TMPRSS11F: variants seen among roughly 807,000 people sequenced by gnomAD.
TMPRSS11F encodes the protein transmembrane protease serine 11F.
Under a neutral mutation model 60.2 loss-of-function variants are expected in TMPRSS11F, and 47 were observed. The observed-to-expected ratio is 0.78, with a 90% CI of 0.62 to 1.00. The LOEUF (loss-of-function observed/expected upper bound fraction) is 1.00. Among genes scored for constraint, TMPRSS11F ranks in the 50% least tolerant of loss-of-function variants. The pLI is 0.00. For missense variants in TMPRSS11F, 519 were observed against 522.9 expected (o/e 0.99, Z 0.07); for synonymous variants, 166 against 167.3 (o/e 0.99, Z 0.06).
intron 2 of TMPRSS11F, among the ~76,000 whole-genome samples, chr4:68,094,513 A>G (rs1459654787): frequency 2.0e-5 from 3 of 150,124 alleles, no homozygotes; most frequent in Non-Finnish European, 4.4e-5. Context: ...ACTAACCTGC[A>G]CATTGTGAAC....
intron 3 of TMPRSS11F, among the ~76,000 whole-genome samples, chr4:68,082,557 C>A (rs1208389830): frequency 6.6e-6 from 1 of 152,230 alleles, no homozygotes; most frequent in Non-Finnish European, 1.5e-5. Context: ...CCCACAAGAA[C>A]ATGCACACAG....
At chr4:68,074,288 C>G (rs969580617) in intron 3 of TMPRSS11F, among the ~76,000 whole-genome samples, 5 of 152,136 alleles carry the variant, frequency 3.3e-5, no homozygotes, top group African/African-American at 1.2e-4. Context: ...AATGGGATAA[C>G]AACAATATCT....
At chr4:68,067,797 T>C (rs142964514) in intron 7 of TMPRSS11F, among the ~76,000 whole-genome samples, 226 of 152,326 alleles carry the variant, frequency 1.5e-3, no homozygotes, top group African/African-American at 5.1e-3. Flanking sequence ...TCACCAGGGA[T>C]AGGCTCCTTT....
At chr4:68,054,327 T>A (rs949337965) in intron 9 of TMPRSS11F, among the ~76,000 whole-genome samples, 3 of 152,042 alleles carry the variant, frequency 2.0e-5, no homozygotes, top group Non-Finnish European at 4.4e-5. Context: ...TTTTTTCTAG[T>A]TTGAACAGGC....
At chr4:68,103,867 C>T (rs1724244361) in intron 1 of TMPRSS11F, among the ~76,000 whole-genome samples, 1 of 151,862 alleles carries the variant, frequency 6.6e-6, no homozygotes, top group East Asian at 1.9e-4. Flanking sequence ...CTTTCACTTC[C>T]TTGGTTAAAT....
chr4:68,079,426 TAAAG>T (rs1176636916), intron 3 of TMPRSS11F, among the ~76,000 whole-genome samples: 2 of 152,130 alleles, frequency 1.3e-5, no homozygotes, highest in African/African-American at 4.8e-5. Flanking sequence ...AAGAAACCCT[TAAAG>T]AAGCCCTCAA....
chr4:68,080,096 G>A (rs1723661161), intron 3 of TMPRSS11F: 1 of 152,176 alleles, frequency 6.6e-6, no homozygotes, highest in South Asian at 2.1e-4. Context: ...CAACAAAACT[G>A]ATTCTTTTCC....
At chr4:68,115,357 A>T (rs1262108727) in intron 1 of TMPRSS11F, among the ~76,000 whole-genome samples, 1 of 16,238 alleles carries the variant, frequency 6.2e-5, no homozygotes, top group African/African-American at 1.4e-4. Flanking sequence ...ACACCATCTC[A>T]AAAAAAAAAA....
At chr4:68,080,213 A>G (rs1234009927) in intron 3 of TMPRSS11F, 1 of 152,256 alleles carries the variant, frequency 6.6e-6, no homozygotes, top group Non-Finnish European at 1.5e-5. Flanking sequence ...AGAAGGAAAC[A>G]AAGCAAAGCC....
intron 1 of TMPRSS11F, among the ~76,000 whole-genome samples, chr4:68,120,408 A>G (rs1337123389): frequency 2.8e-5 from 2 of 70,496 alleles, no homozygotes; most frequent in East Asian, 3.9e-4. Flanking sequence ...TTTTTTTTTG[A>G]GACGGAGTCT....
chr4:68,122,090 T>C (rs1724635561), intron 1 of TMPRSS11F, among the ~76,000 whole-genome samples: 1 of 152,202 alleles, frequency 6.6e-6, no homozygotes. Context: ...TTAATTGTTA[T>C]AATAAAATCA....
intron 8 of TMPRSS11F, 74 bp from the exon 9 acceptor site, chr4:68,059,542 A>G: frequency 7.0e-7 from 1 of 1,428,020 alleles, no homozygotes. Context: ...CATAGAAGAC[A>G]CATAAATTGT....
chr4:68,096,506 C>T (rs528951136), intron 2 of TMPRSS11F, among the ~76,000 whole-genome samples: 87 of 152,252 alleles, frequency 5.7e-4, no homozygotes, highest in African/African-American at 1.8e-3. Context: ...TGTTTTACTG[C>T]GCAGCCTGTG....
intron 3 of TMPRSS11F, among the ~76,000 whole-genome samples, chr4:68,077,807 GATC>G (rs1444650349): frequency 2.6e-5 from 4 of 152,220 alleles, no homozygotes; most frequent in Non-Finnish European, 5.9e-5. Flanking sequence ...AAATAAGAAA[GATC>G]ATCAACTGTG....
chr4:68,074,366 A>G (rs902214059), intron 3 of TMPRSS11F, among the ~76,000 whole-genome samples: 5 of 152,242 alleles, frequency 3.3e-5, no homozygotes, highest in Non-Finnish European at 7.3e-5. Context: ...TCTGGTATCT[A>G]CTAAGCTATT....
intron 5 of TMPRSS11F, among the ~76,000 whole-genome samples, chr4:68,071,649 G>A (rs1267201322): frequency 2.0e-5 from 3 of 152,136 alleles, no homozygotes; most frequent in Admixed American, 6.6e-5. Context: ...ATCAGCTCGG[G>A]TTCCAACTAG....
intron 2 of TMPRSS11F, among the ~76,000 whole-genome samples, chr4:68,098,530 T>C (rs930352617): frequency 2.6e-5 from 4 of 152,206 alleles, no homozygotes; most frequent in African/African-American, 9.6e-5. Context: ...ACTCTTCTTA[T>C]ATCCTGAGCT....
In TMPRSS11F at chr4:68,111,417, T is replaced by C. The variant is rs6812928; in HGVS notation, c.12-12379A>G. On this transcript the variant is annotated intron_variant, in intron 1 of 9. Transcript: ENST00000356291. ...CAATACTTGTAGACAGCAGCTGATT[T>C]TACCACTTACTAACTGTATATGCTC... Among the ~76,000 whole-genome samples, 1,129 of 152,270 alleles carry C rather than the reference T, an allele frequency of 7.4e-3. 13 individuals carry two copies. Among genetic ancestry groups the C allele is most frequent in the African/African-American group, 0.025 (1,056 of 41,558 alleles).
intron 1 of TMPRSS11F, among the ~76,000 whole-genome samples, chr4:68,101,988 T>A (rs1724201539): frequency 6.6e-6 from 1 of 152,142 alleles, no homozygotes; most frequent in Non-Finnish European, 1.5e-5. Context: ...CATCTCCCCA[T>A]TTAATTGCCC....
Sources: allele counts gnomAD v4.1 joint callset (sites outside exome capture counted in the v4.1 genomes callset), GRCh38; gene constraint gnomAD v4.1.1; transcripts MANE v1.5; gene names NCBI Gene and HGNC (gene_info 2026-07-23, HGNC 2026-07-21).